The following RIPOR3 variants were observed in gnomAD, a reference collection of about 807,000 sequenced individuals.
RIPOR3 encodes RIPOR family member 3.
A neutral mutation model predicts 114.3 loss-of-function variants in RIPOR3; 95 were observed. The observed-to-expected ratio is 0.83, with a 90% confidence interval of 0.70 to 0.99. RIPOR3 has a LOEUF of 0.99. Ranked by LOEUF, RIPOR3 falls within the 50% of genes least tolerant of loss-of-function variation. The pLI is 0.00. For missense variants in RIPOR3, 1,252 were observed against 1,266.9 expected (o/e 0.99, Z 0.18); for synonymous variants, 575 against 543.8 (o/e 1.06, Z -0.80).
intron 1 of RIPOR3, among the ~76,000 whole-genome samples, chr20:50,637,573 G>A (rs2426186): frequency 0.47 from 70,954 of 151,972 alleles, 20,020 homozygotes; most frequent in African/African-American, 0.81. Context: ...TTAAAAAAAA[G>A]TTTTTGGGGC....
At chr20:50,595,734 G>A (rs1169030655) in intron 15 of RIPOR3, among the ~76,000 whole-genome samples, 1 of 152,250 alleles carries the variant, frequency 6.6e-6, no homozygotes, top group Non-Finnish European at 1.5e-5. Flanking sequence ...GCCTGAAAGT[G>A]AAGCCAACCC....
At chr20:50,592,877 C>A (rs2083159237) in intron 18 of RIPOR3, among the ~76,000 whole-genome samples, 158 bp downstream of exon 18, 1 of 152,324 alleles carries the variant, frequency 6.6e-6, no homozygotes, top group African/African-American at 2.4e-5. Flanking sequence ...TAATATCAGC[C>A]CCCATCGGCT....
chr20:50,674,335 C>T (rs1263557959), intron 1 of RIPOR3, among the ~76,000 whole-genome samples: 3 of 151,812 alleles, frequency 2.0e-5, no homozygotes, highest in African/African-American at 7.3e-5. Flanking sequence ...ACCTCTCTGG[C>T]CCTCAACAGA....
chr20:50,643,558 G>A (rs1294119202), intron 1 of RIPOR3, among the ~76,000 whole-genome samples: 1 of 151,864 alleles, frequency 6.6e-6, no homozygotes, highest in Non-Finnish European at 1.5e-5. Context: ...TTGGGCACAT[G>A]TTCTCAGGAC....
chr20:50,602,043 G>T lies in RIPOR3; in HGVS notation c.1659+29C>A. ...AGTCATCATGCCATCAGCAAAGCAG[G>T]GCCACCGCCCGGGGCGGGGTGGCCA... On this transcript the variant is annotated intron_variant, in intron 13 of 21. Coordinates refer to ENST00000327979, the MANE Select transcript of RIPOR3 (RefSeq NM_001290268.2). The surrounding 1 kb of genome is among the most constrained non-coding windows in gnomAD (Gnocchi z 4.3). 6.9e-7 allele frequency: 1 copy of T among 1,455,648 alleles called. No homozygotes were observed. Among genetic ancestry groups the T allele is most frequent in the Non-Finnish European group, 9.0e-7 (1 of 1,105,566 alleles). The allele number at this position is 1,455,648 out of a possible 1,614,324, so 90.2% of individuals were successfully genotyped here.
Position 50,691,226 on chromosome 20 carries a change from C to G in RIPOR3, c.-98G>C, listed in dbSNP as rs181421065. The G allele has an allele frequency of 3.9e-6, 5 of 1,282,354 alleles. No individual in the cohort carries two copies. The East Asian group carries it at 2.8e-4, about 71-fold the overall frequency. The allele number at this position is 1,282,354 out of a possible 1,614,324, so 79.4% of individuals were successfully genotyped here. A position where few individuals can be genotyped will look rare whatever the true frequency, so the allele number is the denominator to read the frequency against. On this transcript the variant is annotated 5_prime_UTR_variant, in exon 1 of 22. Transcript: ENST00000327979. ...AGCAAGCGTCTGCTCCCATCTGGCC[C>G]GGGACTCCCGGACTCGAGCTAGGGC... is the stretch of plus-strand genomic sequence containing the variant.
intron 19 of RIPOR3, 50 bp from the exon 20 acceptor site, chr20:50,589,819 C>T: frequency 6.4e-7 from 1 of 1,561,450 alleles, no homozygotes; most frequent in Non-Finnish European, 8.8e-7. Flanking sequence ...GAAGTGGAGT[C>T]CATGGTTCCG....
chr20:50,648,427 G>A (rs756187312), intron 1 of RIPOR3, among the ~76,000 whole-genome samples: 14 of 151,734 alleles, frequency 9.2e-5, no homozygotes, highest in African/African-American at 2.4e-4. Flanking sequence ...TCAAGGTGTC[G>A]GCAGGGCCAT....
intron 16 of RIPOR3, 23 bp downstream of exon 16, chr20:50,595,346 C>G (rs1279706674): frequency 1.2e-6 from 2 of 1,608,640 alleles, no homozygotes; most frequent in Admixed American, 3.3e-5. Flanking sequence ...TAGGCAGCCC[C>G]TGGGTGGCAG....
In RIPOR3 at chr20:50,587,515, TTACCTC is replaced by T. The variant is rs1488046258; in HGVS notation, c.2753-189_2753-184del. On this transcript the variant is annotated intron_variant, in intron 21 of 21. Transcript: ENST00000327979. ...CTCACATGGCCTGGGGGCCTTGTCT[TTACCTC>T]TAGGATGTTCCGCTGAATGGGAACC... 3.9e-5 allele frequency among the ~76,000 whole-genome samples: 6 copies of T among 152,280 alleles called. No individual in the cohort carries two copies. In the East Asian group the frequency reaches 9.7e-4, roughly 25 times the overall value.
intron 11 of RIPOR3, among the ~76,000 whole-genome samples, chr20:50,605,527 G>A (rs1568844284): frequency 1.3e-5 from 2 of 152,128 alleles, no homozygotes; most frequent in Admixed American, 6.6e-5. Flanking sequence ...CCAACACTTC[G>A]GGAAGCCAAG....
intron 1 of RIPOR3, among the ~76,000 whole-genome samples, chr20:50,639,816 C>T (rs1329794737): frequency 6.6e-6 from 1 of 152,116 alleles, no homozygotes; most frequent in Admixed American, 6.5e-5. Context: ...GCTCTCCAAT[C>T]AGAAGCCCTC....
chr20:50,638,667 G>C (rs6126057), intron 1 of RIPOR3, among the ~76,000 whole-genome samples: 1 of 152,118 alleles, frequency 6.6e-6, no homozygotes, highest in African/African-American at 2.4e-5. Flanking sequence ...CTAGGGAAGA[G>C]AGCGTGGGGG....
chr20:50,663,265 C>T (rs2086063419), intron 1 of RIPOR3, among the ~76,000 whole-genome samples: 2 of 152,252 alleles, frequency 1.3e-5, no homozygotes, highest in African/African-American at 4.8e-5. Context: ...GCTGGGACTG[C>T]CACATGCTGC....
In RIPOR3 at chr20:50,661,248, A is replaced by AT. The variant is rs200766003; in HGVS notation, c.3+29877_3+29878insA. Among the ~76,000 whole-genome samples, 80 of 152,044 alleles carry AT rather than the reference A, an allele frequency of 5.3e-4. No homozygotes were observed. The East Asian group carries it at 0.014, about 26-fold the overall frequency. On this transcript the variant is annotated intron_variant, in intron 1 of 21. Transcript: ENST00000327979. The stretch of plus-strand genomic sequence containing the variant: ...ACGAGACTGTCTTAAAAAATAAAAA[A>AT]AAAAATTGTAGGGACACAGTTTCAC...
intron 1 of RIPOR3, among the ~76,000 whole-genome samples, chr20:50,685,708 C>T (rs1472071786): frequency 6.7e-6 from 1 of 149,140 alleles, no homozygotes; most frequent in Non-Finnish European, 1.5e-5. Flanking sequence ...GTAATCCTAG[C>T]TACTCGGGAG....
chr20:50,608,807 T>C lies in RIPOR3; in HGVS notation c.685-69A>G. 4 of 1,612,400 alleles carry C rather than the reference T, an allele frequency of 2.5e-6. No individual in the cohort carries two copies. In the South Asian group the frequency reaches 4.4e-5, roughly 18 times the overall value. On this transcript the variant is annotated intron_variant, in intron 9 of 21. Coordinates refer to ENST00000327979, the MANE Select transcript of RIPOR3 (RefSeq NM_001290268.2). ...TCCCCTTGCTGTCCGCCCAGGGCCC[T>C]CCCTGCCAGGCAGAGCCCCAGCTGC...
At chr20:50,611,026 A>G in intron 5 of RIPOR3, 120 bp from the exon 6 acceptor site, 1 of 398,446 alleles carries the variant, frequency 2.5e-6, no homozygotes, top group Non-Finnish European at 3.8e-6. Context: ...ACCATCCCTG[A>G]GGAAGGCTCA....
At chr20:50,681,965 G>T (rs867657534) in intron 1 of RIPOR3, among the ~76,000 whole-genome samples, 1 of 152,172 alleles carries the variant, frequency 6.6e-6, no homozygotes, top group African/African-American at 2.4e-5. Flanking sequence ...ACCCATTCAG[G>T]TGGCAAAAAG....
Sources: allele counts gnomAD v4.1 joint callset (sites outside exome capture counted in the v4.1 genomes callset), GRCh38; gene constraint gnomAD v4.1.1; non-coding constraint Gnocchi (gnomAD v3.1); transcripts MANE v1.5; gene names NCBI Gene and HGNC (gene_info 2026-07-23, HGNC 2026-07-21).